IL1RAPL1: variants seen among roughly 807,000 people sequenced by gnomAD.
IL1RAPL1 encodes interleukin 1 receptor accessory protein like 1.
In IL1RAPL1, 3 loss-of-function variants were observed where a neutral mutation model predicts 48.4. The ratio of observed to expected loss-of-function variants is 0.06; its 90% confidence interval spans 0.03 to 0.16. The LOEUF (loss-of-function observed/expected upper bound fraction) is 0.16. Ranked by LOEUF, IL1RAPL1 falls within the 10% of genes least tolerant of loss-of-function variation. The probability of loss-of-function intolerance (pLI) is 1.00; values close to 1 mark genes in which losing one functional copy is unlikely to be tolerated. For synonymous variants in IL1RAPL1, 185 were observed against 187.7 expected, an observed-to-expected ratio of 0.99 and a Z score of 0.12; for missense variants, 349 against 530.6, an observed-to-expected ratio of 0.66 and a Z score of 3.36.
chrX:28,766,506 C>T (rs767685623), intron 1 of IL1RAPL1, among the ~76,000 whole-genome samples: 17 of 110,999 alleles, frequency 1.5e-4, no homozygotes, highest in Admixed American at 5.8e-4. Context: ...ATAGGGTATC[C>T]GTCCCCTCAA....
intron 2 of IL1RAPL1, among the ~76,000 whole-genome samples, chrX:29,054,438 A>G (rs1176437286): frequency 9.0e-6 from 1 of 111,248 alleles, no homozygotes; most frequent in Non-Finnish European, 1.9e-5. Flanking sequence ...TTGTCTGCAT[A>G]TCGCTTACCA....
intron 2 of IL1RAPL1, among the ~76,000 whole-genome samples, chrX:28,824,123 C>T (rs1936966662): frequency 9.0e-6 from 1 of 111,074 alleles, no homozygotes; most frequent in Non-Finnish European, 1.9e-5. Flanking sequence ...AAAATTATTC[C>T]AATCGATTCT....
intron 2 of IL1RAPL1, among the ~76,000 whole-genome samples, chrX:29,149,598 C>A (rs1318354178): frequency 9.0e-6 from 1 of 111,611 alleles, no homozygotes; most frequent in Non-Finnish European, 1.9e-5. Flanking sequence ...CGGAGCCCAA[C>A]CCTCTCTTTT....
At chrX:28,609,424 C>G (rs1344764612) in intron 1 of IL1RAPL1, among the ~76,000 whole-genome samples, 3 of 110,765 alleles carry the variant, frequency 2.7e-5, no homozygotes, top group Non-Finnish European at 5.7e-5. Flanking sequence ...AAAATGATCT[C>G]TATCAATCTT....
intron 2 of IL1RAPL1, among the ~76,000 whole-genome samples, chrX:28,846,894 A>C (rs1378022537): frequency 9.0e-6 from 1 of 111,672 alleles, no homozygotes; most frequent in East Asian, 2.8e-4. Context: ...TGCTTTGTGC[A>C]CTTACTGCCT....
chrX:28,864,764 C>T (rs1316116113), intron 2 of IL1RAPL1, among the ~76,000 whole-genome samples: 1 of 111,307 alleles, frequency 9.0e-6, no homozygotes, highest in Non-Finnish European at 1.9e-5. Context: ...TCATTTAGGG[C>T]CTCGTGGGCT....
At chrX:29,431,943 T>C (rs1480552793) in intron 5 of IL1RAPL1, among the ~76,000 whole-genome samples, 1 of 111,898 alleles carries the variant, frequency 8.9e-6, no homozygotes, top group East Asian at 2.8e-4. Context: ...TGTTACTCTT[T>C]AAACATTTTA....
intron 1 of IL1RAPL1, among the ~76,000 whole-genome samples, chrX:28,782,765 T>G (rs1936436871): frequency 8.9e-6 from 1 of 111,907 alleles, no homozygotes; most frequent in African/African-American, 3.2e-5. Context: ...GTTTTGGGTT[T>G]ACTCGTAATT....
At chrX:29,411,482 T>A (rs1934142441) in intron 5 of IL1RAPL1, among the ~76,000 whole-genome samples, 1 of 111,611 alleles carries the variant, frequency 9.0e-6, no homozygotes, top group Non-Finnish European at 1.9e-5. Context: ...CCAGAAGTAG[T>A]TCTTAATTTT....
intron 2 of IL1RAPL1, among the ~76,000 whole-genome samples, chrX:28,832,822 A>ATTTTTTTTTTTTTTTTTTT (rs199869467): frequency 2.5e-5 from 2 of 80,389 alleles, no homozygotes; most frequent in Non-Finnish European, 2.3e-5. Flanking sequence ...ATTTTTTTCA[A>ATTTTTTTTTTTTTTTTTTT]TTTTTTTTTT....
chrX:29,330,929 G>A (rs1234295778), intron 3 of IL1RAPL1, among the ~76,000 whole-genome samples: 1 of 111,698 alleles, frequency 9.0e-6, no homozygotes, highest in Non-Finnish European at 1.9e-5. Flanking sequence ...CACTTTGGGA[G>A]GCCAAGGCGG....
intron 3 of IL1RAPL1, among the ~76,000 whole-genome samples, chrX:29,357,133 T>C (rs190855176): frequency 9.8e-5 from 11 of 112,353 alleles, no homozygotes; most frequent in Admixed American, 7.6e-4. Flanking sequence ...CTTTCAGATA[T>C]TTTATTAATA....
chrX:29,123,570 C>T (rs777019087), intron 2 of IL1RAPL1, among the ~76,000 whole-genome samples: 10 of 112,076 alleles, frequency 8.9e-5, no homozygotes, highest in African/African-American at 3.2e-4. Context: ...TGAGAAAGCT[C>T]ATTACTGTTG....
At chrX:29,153,133 C>T (rs940552536) in intron 2 of IL1RAPL1, among the ~76,000 whole-genome samples, 7 of 111,599 alleles carry the variant, frequency 6.3e-5, no homozygotes, top group Admixed American at 9.6e-5. Flanking sequence ...CCTCTTCCAT[C>T]GTCAAAGCTA....
chrX:28,635,241 C>A (rs1163647876), intron 1 of IL1RAPL1, among the ~76,000 whole-genome samples: 2 of 112,081 alleles, frequency 1.8e-5, no homozygotes, highest in African/African-American at 6.5e-5. Context: ...TTGTTTCTGA[C>A]TCAAGAGTTT....
chrX:29,854,962 T>A (rs1178820854), intron 6 of IL1RAPL1, among the ~76,000 whole-genome samples: 3 of 111,123 alleles, frequency 2.7e-5, no homozygotes, highest in Non-Finnish European at 5.7e-5. Context: ...CCTATTTAAT[T>A]GTTCTGGGCA....
chrX:29,749,312 T>C (rs767411200), intron 6 of IL1RAPL1, among the ~76,000 whole-genome samples: 24 of 112,442 alleles, frequency 2.1e-4, no homozygotes, highest in African/African-American at 6.1e-4. Flanking sequence ...TTTGTCACCA[T>C]TTTTAAAGTG....
At chrX:29,094,154 A>G (rs977900148) in intron 2 of IL1RAPL1, among the ~76,000 whole-genome samples, 1 of 111,895 alleles carries the variant, frequency 8.9e-6, no homozygotes, top group East Asian at 2.8e-4. Flanking sequence ...TTCTTGTACC[A>G]TGAGTGTGCA....
chrX:29,204,339 A>C (rs919566380), intron 2 of IL1RAPL1, among the ~76,000 whole-genome samples: 2 of 111,995 alleles, frequency 1.8e-5, no homozygotes, highest in Non-Finnish European at 3.8e-5. Flanking sequence ...TCCCACCAAC[A>C]GTGTACAAGA....
Sources: allele counts gnomAD v4.1 joint callset (sites outside exome capture counted in the v4.1 genomes callset), GRCh38; gene constraint gnomAD v4.1.1; transcripts MANE v1.5; gene names NCBI Gene and HGNC (gene_info 2026-07-23, HGNC 2026-07-21).